Variants in TNRC6C observed in about 807,000 individuals in gnomAD.
TNRC6C encodes the protein trinucleotide repeat containing adaptor 6C, also known as trinucleotide repeat-containing gene 6C protein.
A neutral mutation model predicts 153.7 loss-of-function variants in TNRC6C; 20 were observed. The observed-to-expected ratio is 0.13, with a 90% CI of 0.09 to 0.19. The LOEUF (loss-of-function observed/expected upper bound fraction) is 0.19, where lower values mean the gene tolerates loss of function less well. Among genes scored for constraint, TNRC6C ranks in the 10% least tolerant of loss-of-function variants. TNRC6C has a pLI of 1.00. For synonymous variants in TNRC6C, 811 were observed against 841.4 expected (o/e 0.96, Z 0.63); for missense variants, 1,987 against 2,172.0 (o/e 0.91, Z 1.69).
At chr17:77,980,958 T>C (rs373611769) in intron 1 of TNRC6C, among the ~76,000 whole-genome samples, 1 of 152,024 alleles carries the variant, frequency 6.6e-6, no homozygotes, top group Admixed American at 6.5e-5. Flanking sequence ...CTTTTGGGTT[T>C]GTTTTGTTTT....
In TNRC6C at chr17:78,052,646, G is replaced by A. The variant is rs116841308; in HGVS notation, c.2395+1189G>A. On this transcript the variant is annotated intron_variant, in intron 3 of 19. Transcript: ENST00000301624. ...CACCTTTTTGGTTTTTGTCATAAGC[G>A]TTCAACAGGAGAATGTCCTGCCTGC... is the stretch of plus-strand genomic sequence containing the variant. Among the ~76,000 whole-genome samples the A allele has an allele frequency of 7.7e-3, 1,166 of 152,248 alleles. 6 individuals are homozygous for A. The highest frequency in any genetic ancestry group is 0.012 in the Non-Finnish European group (800 of 68,032).
At chr17:78,037,789 G>A (rs1439998879) in intron 2 of TNRC6C, among the ~76,000 whole-genome samples, 1 of 152,236 alleles carries the variant, frequency 6.6e-6, no homozygotes, top group South Asian at 2.1e-4. Context: ...CTTCCTCCAA[G>A]TTGCTTTTGG....
At chr17:78,084,557 A>T (rs2073243436) in intron 11 of TNRC6C, among the ~76,000 whole-genome samples, 1 of 151,608 alleles carries the variant, frequency 6.6e-6, no homozygotes, top group South Asian at 2.1e-4. Flanking sequence ...GAAAGCACAG[A>T]GCTCTAGACA....
At position 78,026,365 on chromosome 17, in the gene TNRC6C, T is replaced by A. The variant is rs1166254190; in HGVS notation, c.-545-5151T>A. 2.6e-5 allele frequency among the ~76,000 whole-genome samples: 4 copies of A among 152,256 alleles called. No homozygotes were observed. In the East Asian group the frequency reaches 5.8e-4, roughly 22 times the overall value. Reference sequence around the variant, plus strand: ...TTAGGTGAGGAGGTGACATTTAGTCTGATATTTAAAGAATAGCTGGGAATT... The same window carrying A: ...TTAGGTGAGGAGGTGACATTTAGTCAGATATTTAAAGAATAGCTGGGAATT... On this transcript the variant is annotated intron_variant, in intron 1 of 19. Transcript: ENST00000301624.
rs770679990 is a variant in TNRC6C, at chr17:78,049,418, C to T, written c.356C>T (p.Ala119Val). The T allele has an allele frequency of 2.1e-5, 34 of 1,613,836 alleles. No homozygotes were observed. The highest frequency in any genetic ancestry group is 5.5e-5 in the South Asian group (5 of 91,084). The stretch of plus-strand genomic sequence containing the variant: ...GTACTTGGACATGAAGGAACCGTGG[C>T]GACAGGCAACCCTTCCAGTATTTGC... The change falls in exon 3 of 20, where the codon GCG becomes GTG. Residue 119 changes from alanine to valine, a missense_variant. By Grantham distance (64) the Ala-to-Val change is moderately conservative. Coordinates refer to ENST00000301624, the Ensembl canonical transcript of TNRC6C. This position sits in a 1 kb window ranked among gnomAD's most constrained non-coding sequence, Gnocchi z 4.1.
chr17:78,102,643 G>T, intron 18 of TNRC6C, 99 bp downstream of exon 21: 1 of 1,273,556 alleles, frequency 7.9e-7, no homozygotes, highest in South Asian at 1.4e-5. Flanking sequence ...AGGATAGTTG[G>T]GGGTTCTTGG....
intron 3 of TNRC6C, among the ~76,000 whole-genome samples, chr17:78,052,406 T>C (rs552481793): frequency 8.5e-5 from 13 of 152,180 alleles, no homozygotes; most frequent in South Asian, 8.3e-4. Flanking sequence ...TGTACTCTAG[T>C]AGCTGGGGAA....
At chr17:78,089,414 A>T (rs1209937877) in intron 13 of TNRC6C, among the ~76,000 whole-genome samples, 1 of 152,246 alleles carries the variant, frequency 6.6e-6, no homozygotes, top group Non-Finnish European at 1.5e-5. Flanking sequence ...CAAATAACTA[A>T]TAAAGTCTAG....
chr17:77,984,367 A>C (rs1286949913), intron 1 of TNRC6C, among the ~76,000 whole-genome samples: 1 of 149,468 alleles, frequency 6.7e-6, no homozygotes, highest in African/African-American at 2.5e-5. Flanking sequence ...AAAAAAAAAA[A>C]ACAAAAAAAA....
chr17:78,068,130 A>G (rs1325246606), intron 5 of TNRC6C, among the ~76,000 whole-genome samples: 2 of 152,216 alleles, frequency 1.3e-5, no homozygotes, highest in Non-Finnish European at 2.9e-5. Flanking sequence ...TTTCATTTGA[A>G]GTCTCTCTCC....
At chr17:77,996,793 G>A (rs1042470059) in intron 1 of TNRC6C, among the ~76,000 whole-genome samples, 2 of 152,184 alleles carry the variant, frequency 1.3e-5, no homozygotes, top group Non-Finnish European at 2.9e-5. Context: ...CTGTGGCCCA[G>A]GGGATGCTGT....
chr17:78,013,611 C>G (rs995794251), intron 1 of TNRC6C, among the ~76,000 whole-genome samples: 1 of 152,172 alleles, frequency 6.6e-6, no homozygotes. Flanking sequence ...GGACATAAAT[C>G]TCAACCACAG....
chr17:78,036,699 G>A (rs564129386), intron 2 of TNRC6C, among the ~76,000 whole-genome samples: 1 of 152,064 alleles, frequency 6.6e-6, no homozygotes, highest in Non-Finnish European at 1.5e-5. Flanking sequence ...CGAGGCAGGT[G>A]GATCACCTGA....
intron 1 of TNRC6C, among the ~76,000 whole-genome samples, chr17:77,997,487 A>G (rs1301570888): frequency 6.6e-6 from 1 of 151,966 alleles, no homozygotes; most frequent in African/African-American, 2.4e-5. Flanking sequence ...CTGGTTAACA[A>G]AGACCTTTAT....
At chr17:78,050,599 C>T in exon 3 of TNRC6C, 3 of 1,585,068 alleles carry the variant, frequency 1.9e-6, no homozygotes, top group Non-Finnish European at 2.6e-6. Flanking sequence ...GGTCAACGCG[C>T]CACCTGCCGC....
chr17:78,087,484 A>G (rs533104766), intron 13 of TNRC6C, among the ~76,000 whole-genome samples: 43 of 93,514 alleles, frequency 4.6e-4, no homozygotes, highest in Admixed American at 3.3e-3. Flanking sequence ...GCCGCTGCCA[A>G]TAATACTCTC....
intron 3 of TNRC6C, among the ~76,000 whole-genome samples, chr17:78,063,248 A>AATAT (rs372831568): frequency 2.5e-4 from 37 of 146,926 alleles, no homozygotes; most frequent in African/African-American, 6.7e-4. Flanking sequence ...CTGTCTCCAA[A>AATAT]ATATATATAT....
Position 78,073,102 on chromosome 17 carries a change from A to G in TNRC6C, c.2917+8A>G, listed in dbSNP as rs1298495221. 2 of 1,551,978 alleles carry G rather than the reference A, an allele frequency of 1.3e-6. No individual in the cohort carries two copies. Among genetic ancestry groups the G allele is most frequent in the South Asian group, 2.4e-5 (2 of 83,766 alleles). The stretch of plus-strand genomic sequence containing the variant: ...ATCTTGATCAGGCCATGAGTAAGTC[A>G]TACAACATCCTTTTTAAAAAGGTAC... On this transcript the variant is annotated splice_region_variant and intron_variant, in intron 7 of 19. Coordinates refer to ENST00000301624, the Ensembl canonical transcript of TNRC6C.
At chr17:78,069,845 TGTGA>T (rs1182966188) in intron 5 of TNRC6C, among the ~76,000 whole-genome samples, 2 of 152,180 alleles carry the variant, frequency 1.3e-5, no homozygotes, top group African/African-American at 2.4e-5. Context: ...TGTGTGTGTA[TGTGA>T]GTGTGTGTAT....
Sources: gnomAD v4.1 joint callset for allele counts (sites outside exome capture counted in the v4.1 genomes callset) on GRCh38, gnomAD v4.1.1 for gene constraint, Gnocchi (gnomAD v3.1) non-coding constraint, MANE v1.5 for transcripts, NCBI Gene and HGNC (gene_info 2026-07-23, HGNC 2026-07-21) for gene names.